Variants in ECE1 observed in about 807,000 individuals in gnomAD.
The protein encoded by ECE1 is endothelin converting enzyme 1.
Under a neutral mutation model 98.6 loss-of-function variants are expected in ECE1, and 35 were observed. That is an observed-to-expected ratio of 0.35 (90% CI 0.27 to 0.47). ECE1 has a LOEUF of 0.47. Among genes scored for constraint, ECE1 ranks in the 20% least tolerant of loss-of-function variants. ECE1 has a pLI of 1.00. For synonymous variants in ECE1, 394 were observed against 407.1 expected (o/e 0.97, Z 0.39); for missense variants, 814 against 1,025.3 (o/e 0.79, Z 2.81).
At position 21,290,237 on chromosome 1, in the gene ECE1, G is replaced by GCGC. The variant is rs752945946; in HGVS notation, c.52-84_52-82dup. The GCGC allele has an allele frequency of 2.6e-4, 364 of 1,394,322 alleles. 2 individuals are homozygous for GCGC. In the South Asian group the frequency reaches 4.6e-3, roughly 18 times the overall value. The allele number at this position is 1,394,322 out of a possible 1,614,324, so 86.4% of individuals were successfully genotyped here. A position where few individuals can be genotyped will look rare whatever the true frequency, so the allele number is the denominator to read the frequency against. ...GAATGGGGAAGCGGCCCCGACCCTGGCGCCGCCGCCGCCGCGCCCCGCCCC... is the reference window on the plus strand; with the variant it reads ...GAATGGGGAAGCGGCCCCGACCCTGGCGCCGCCGCCGCCGCCGCGCCCCGCCCC... On this transcript the variant is annotated intron_variant, in intron 1 of 18. Transcript: ENST00000374893. This position sits in a 1 kb window ranked among gnomAD's most constrained non-coding sequence, Gnocchi z 7.3.
chr1:21,238,838 G>A (rs2098191844), intron 10 of ECE1, among the ~76,000 whole-genome samples: 1 of 151,608 alleles, frequency 6.6e-6, no homozygotes, highest in South Asian at 2.1e-4. Context: ...TTTTTGGCAG[G>A]GTCTCGCTCT....
upstream of ECE1, among the ~76,000 whole-genome samples, chr1:21,292,611 G>A (rs928053416): frequency 9.9e-5 from 15 of 152,246 alleles, no homozygotes; most frequent in Middle Eastern, 3.4e-3. Context: ...AGCTTTACTG[G>A]GGCTGGGACC....
rs547544126 is a variant in ECE1, at chr1:21,329,318, C to T, written c.3+16058G>A. ...GCACTGAAATCAATGCAACCTTATG[C>T]TTGCTACCGCCGACTTGCAATTCCT... is the stretch of plus-strand genomic sequence containing the variant. On this transcript the variant is annotated intron_variant, in intron 1 of 18. Coordinates refer to the ECE1 transcript ENST00000415912. Among the ~76,000 whole-genome samples the T allele has an allele frequency of 2.6e-5, 4 of 152,326 alleles. No individual in the cohort carries two copies. The East Asian group carries it at 7.7e-4, about 29-fold the overall frequency.
intron 1 of ECE1, chr1:21,298,166 G>A (rs1020026288): frequency 1.3e-5 from 2 of 159,782 alleles, no homozygotes; most frequent in African/African-American, 4.8e-5. Flanking sequence ...AAGTGGAACT[G>A]CCTCACACAC....
chr1:21,231,787 A>C (rs2098182068), intron 14 of ECE1, among the ~76,000 whole-genome samples: 1 of 151,762 alleles, frequency 6.6e-6, no homozygotes, highest in Non-Finnish European at 1.5e-5. Context: ...TAATTTTTTA[A>C]ATTTTTTGTA....
chr1:21,288,233 G>A (rs2098262749), intron 2 of ECE1, among the ~76,000 whole-genome samples: 1 of 152,186 alleles, frequency 6.6e-6, no homozygotes, highest in African/African-American at 2.4e-5. Context: ...ACAGCGACGT[G>A]ACCCCAGGAA....
At chr1:21,226,095 C>T (rs1222036308) in intron 16 of ECE1, among the ~76,000 whole-genome samples, 1 of 152,186 alleles carries the variant, frequency 6.6e-6, no homozygotes, top group African/African-American at 2.4e-5. Context: ...AGGCCCAGGC[C>T]ACCCAGGTCT....
rs1639116849 is a variant in ECE1 at position 21,327,864 on chromosome 1, G to A, written c.3+17512C>T. ...AGATCAGCGGTGGCATTAGATTCTC[G>A]TAGGAGCGCGAACCCTATTGTGAAC... is the stretch of plus-strand genomic sequence containing the variant. On this transcript the variant is annotated intron_variant, in intron 1 of 18. Transcript: ENST00000415912. This position sits in a 1 kb window ranked among gnomAD's most constrained non-coding sequence, Gnocchi z 4.6. Among the ~76,000 whole-genome samples, 2 of 152,322 alleles carry A rather than the reference G, an allele frequency of 1.3e-5. No individual in the cohort carries two copies. Among genetic ancestry groups the A allele is most frequent in the Non-Finnish European group, 2.9e-5 (2 of 68,036 alleles).
intron 10 of ECE1, among the ~76,000 whole-genome samples, chr1:21,243,343 G>A (rs2098198982): frequency 6.6e-6 from 1 of 151,740 alleles, no homozygotes; most frequent in Admixed American, 6.6e-5. Context: ...ATCAGATCTG[G>A]GATTTTCATT....
At position 21,227,921 on chromosome 1, in the gene ECE1, G is replaced by T. The variant is rs1278782920; in HGVS notation, c.1781+10C>A. 7.7e-6 allele frequency: 12 copies of T among 1,550,188 alleles called. No homozygotes were observed. In the South Asian group the frequency reaches 1.4e-4, roughly 18 times the overall value. On this transcript the variant is annotated intron_variant, in intron 15 of 18. Transcript: ENST00000374893. ...AAAGAATTGGGGTAGGGGCCCCAGA[G>T]GCAGCCTACTTGGGTGAGGAGCGTG...
chr1:21,226,641 C>CACCTCAGCCTCCCAAGTAGCT (rs1466720975), intron 16 of ECE1, among the ~76,000 whole-genome samples: 1 of 152,172 alleles, frequency 6.6e-6, no homozygotes, highest in Non-Finnish European at 1.5e-5. Flanking sequence ...GTGAGCCTCC[C>CACCTCAGCCTCCCAAGTAGCT]ACCTCAGCCT....
chr1:21,245,221 A>C (rs2098201776), intron 9 of ECE1, 118 bp from the exon 10 acceptor site: 2 of 828,030 alleles, frequency 2.4e-6, no homozygotes, highest in Non-Finnish European at 4.0e-6. Flanking sequence ...GGCCCCTTCC[A>C]GCCTGCGGGG....
At chr1:21,324,185 T>C (rs1050018524) in intron 1 of ECE1, among the ~76,000 whole-genome samples, 2 of 152,070 alleles carry the variant, frequency 1.3e-5, no homozygotes, top group African/African-American at 2.4e-5. Context: ...GCCTTGACCA[T>C]AGCCCATGCA....
intron 4 of ECE1, chr1:21,267,018 G>C (rs566446404): frequency 6.6e-6 from 1 of 152,268 alleles, no homozygotes; most frequent in East Asian, 1.9e-4. Flanking sequence ...TTAAGAGATG[G>C]GGCCTTTAGG....
At chr1:21,277,517 G>A (rs2098248921) in intron 3 of ECE1, among the ~76,000 whole-genome samples, 1 of 152,176 alleles carries the variant, frequency 6.6e-6, no homozygotes, top group African/African-American at 2.4e-5. Context: ...GAGGCGACAT[G>A]GCAGTGGCAG....
intron 2 of ECE1, among the ~76,000 whole-genome samples, chr1:21,287,526 A>AAAAT (rs1468643670): frequency 3.3e-5 from 5 of 152,204 alleles, no homozygotes; most frequent in African/African-American, 1.2e-4. Context: ...ACTCTGTCTC[A>AAAAT]AAATAAATAA....
chr1:21,331,726 T>C (rs115450876), intron 1 of ECE1, among the ~76,000 whole-genome samples: 1,755 of 152,214 alleles, frequency 0.012, 31 homozygotes, highest in African/African-American at 0.04. Flanking sequence ...AAAACAGGAA[T>C]AACAATAATA....
intron 2 of ECE1, among the ~76,000 whole-genome samples, chr1:21,285,947 G>C (rs537802546): frequency 6.8e-6 from 1 of 146,378 alleles, no homozygotes; most frequent in Non-Finnish European, 1.5e-5. Context: ...AGCTGAGATT[G>C]TGCCACTGCA....
At chr1:21,330,817 C>G (rs1639185687) in intron 1 of ECE1, among the ~76,000 whole-genome samples, 1 of 152,208 alleles carries the variant, frequency 6.6e-6, no homozygotes, top group South Asian at 2.1e-4. Context: ...TCCGCTCACC[C>G]CTGAGCTGAT....
Sources: allele counts gnomAD v4.1 joint callset (sites outside exome capture counted in the v4.1 genomes callset), GRCh38; gene constraint gnomAD v4.1.1; non-coding constraint Gnocchi (gnomAD v3.1); transcripts MANE v1.5; gene names NCBI Gene and HGNC (gene_info 2026-07-23, HGNC 2026-07-21).